The following SRGAP2C variants were observed in gnomAD, a reference collection of about 807,000 sequenced individuals.
SRGAP2C encodes SLIT-ROBO Rho GTPase-activating protein 2C.
In SRGAP2C, 15 loss-of-function variants were observed where a neutral mutation model predicts 25.1. The observed-to-expected ratio is 0.60, with a 90% CI of 0.40 to 0.92. The LOEUF (loss-of-function observed/expected upper bound fraction) is 0.92. Ranked by LOEUF, SRGAP2C falls within the 40% of genes least tolerant of loss-of-function variation. The pLI is 0.00. For synonymous variants in SRGAP2C, 44 were observed against 96.6 expected, an observed-to-expected ratio of 0.46 and a Z score of 3.19; for missense variants, 144 against 264.4, an observed-to-expected ratio of 0.54 and a Z score of 3.16.
intron 6 of SRGAP2C, 147 bp from the exon 7 acceptor site, chr1:121,374,679 A>C: frequency 1.7e-6 from 1 of 605,922 alleles, no homozygotes; most frequent in East Asian, 2.8e-5. Context: ...GAATCTCATT[A>C]AACAGAATTA....
At chr1:121,200,331 A>G (rs1654947153) in intron 2 of SRGAP2C, among the ~76,000 whole-genome samples, 1 of 103,878 alleles carries the variant, frequency 9.6e-6, no homozygotes, top group Non-Finnish European at 2.0e-5. Context: ...AGAAAAAGGA[A>G]GTTGATTGAT....
rs1240268157 is a variant in SRGAP2C at position 121,335,387 on chromosome 1, T to TAAAA, written c.423+10748_423+10751dup. On this transcript the variant is annotated intron_variant, in intron 4 of 9. Coordinates refer to ENST00000367123, the MANE Select transcript of SRGAP2C (RefSeq NM_001329984.2). ...ATAAATAAATAAATAAATAAATAAA[T>TAAAA]AAAACAACCAATTCTTTCTTTTGTT... Among the ~76,000 whole-genome samples the TAAAA allele has an allele frequency of 3.6e-4, 39 of 108,894 alleles. 1 individual carries two copies. The South Asian group carries it at 9.4e-3, about 26-fold the overall frequency. The allele number at this position is 108,894 out of a possible 152,430, so 71.4% of individuals were successfully genotyped here.
intron 4 of SRGAP2C, among the ~76,000 whole-genome samples, chr1:121,343,202 C>T (rs1240417637): frequency 2.6e-5 from 4 of 151,802 alleles, no homozygotes; most frequent in Non-Finnish European, 4.4e-5. Flanking sequence ...ATTGATATAT[C>T]AGCATTGGTC....
At chr1:121,285,451 A>T (rs1431961534) in intron 3 of SRGAP2C, among the ~76,000 whole-genome samples, 1 of 147,832 alleles carries the variant, frequency 6.8e-6, no homozygotes, top group Non-Finnish European at 1.5e-5. Context: ...CCTAGTAAAT[A>T]GTAGAGCTGG....
At chr1:121,381,909 C>CT (rs1344230331) in intron 7 of SRGAP2C, among the ~76,000 whole-genome samples, 5 of 142,420 alleles carry the variant, frequency 3.5e-5, no homozygotes, top group Middle Eastern at 3.4e-3. Context: ...AGGGGAGTGG[C>CT]TTTTCCAAGG....
At chr1:121,371,135 G>A (rs1659477114) in intron 5 of SRGAP2C, among the ~76,000 whole-genome samples, 1 of 146,374 alleles carries the variant, frequency 6.8e-6, no homozygotes, top group African/African-American at 2.5e-5. Context: ...TCTATATATA[G>A]ATAGAAGTAT....
At chr1:121,372,372 C>T (rs1189595119) in intron 5 of SRGAP2C, among the ~76,000 whole-genome samples, 1 of 151,560 alleles carries the variant, frequency 6.6e-6, no homozygotes, top group African/African-American at 2.4e-5. Flanking sequence ...AGCAGCATCC[C>T]TGACCTCTAA....
intron 4 of SRGAP2C, among the ~76,000 whole-genome samples, chr1:121,327,089 T>C (rs1658330654): frequency 6.7e-6 from 1 of 150,116 alleles, no homozygotes; most frequent in Non-Finnish European, 1.5e-5. Context: ...CATTCCCATG[T>C]AGGCAGAAAA....
intron 2 of SRGAP2C, among the ~76,000 whole-genome samples, chr1:121,280,074 T>C (rs1657206863): frequency 6.6e-6 from 1 of 150,842 alleles, no homozygotes. Flanking sequence ...AAGTGTACAA[T>C]TCAATTTTTT....
At chr1:121,221,717 A>AAG (rs1450156207) in intron 2 of SRGAP2C, among the ~76,000 whole-genome samples, 1 of 111,466 alleles carries the variant, frequency 9.0e-6, no homozygotes, top group African/African-American at 3.8e-5. Flanking sequence ...TCTCAAAAAA[A>AAG]AAAAAAAAAA....
At chr1:121,374,977 C>G (rs1558134625) in intron 7 of SRGAP2C, 23 bp downstream of exon 7, 2 of 771,706 alleles carry the variant, frequency 2.6e-6, no homozygotes, top group African/African-American at 3.4e-5. Flanking sequence ...AGCCAAGGGC[C>G]TGAGGGCCCC....
At chr1:121,323,458 A>G (rs1658251971) in intron 3 of SRGAP2C, among the ~76,000 whole-genome samples, 1 of 148,648 alleles carries the variant, frequency 6.7e-6, no homozygotes, top group African/African-American at 2.5e-5. Flanking sequence ...TCTACTAAAA[A>G]TACAAAAGTT....
chr1:121,341,232 A>T lies in SRGAP2C; in HGVS notation c.423+16592A>T, dbSNP rs1658643657. Among the ~76,000 whole-genome samples, 2 of 78,966 alleles carry T rather than the reference A, an allele frequency of 2.5e-5. 1 individual carries two copies. Among genetic ancestry groups the T allele is most frequent in the African/African-American group, 1.1e-4 (2 of 18,206 alleles). 51.8% of individuals were successfully genotyped at this position (78,966 alleles called of 152,430 possible). A position where few individuals can be genotyped will look rare whatever the true frequency, so the allele number is the denominator to read the frequency against. ...ACATGAGGTGGGAGGAGGTCATTCA[A>T]CTTAGTCATTCAGCAGTTCACTTAG... On this transcript the variant is annotated intron_variant, in intron 4 of 9. Coordinates refer to ENST00000367123, the MANE Select transcript of SRGAP2C (RefSeq NM_001329984.2).
chr1:121,308,566 A>C (rs1287118996), intron 3 of SRGAP2C, among the ~76,000 whole-genome samples: 1 of 150,976 alleles, frequency 6.6e-6, no homozygotes, highest in Non-Finnish European at 1.5e-5. Context: ...GCTTGAGCCC[A>C]GGAGTTTGAG....
rs1444332681 is a variant in SRGAP2C, at chr1:121,292,734, G to A, written c.260+7739G>A. On this transcript the variant is annotated intron_variant, in intron 3 of 9. Coordinates refer to ENST00000367123, the MANE Select transcript of SRGAP2C (RefSeq NM_001329984.2). ...AGGTATGGCCTTATTTTTTAAAGGT[G>A]CACTCTGGAAGTGGCACACACAGCT... Among the ~76,000 whole-genome samples the A allele has an allele frequency of 3.9e-5, 3 of 77,750 alleles. 1 individual carries two copies. The highest frequency in any genetic ancestry group is 2.5e-5 in the Non-Finnish European group (1 of 39,718). 51.0% of individuals were successfully genotyped at this position (77,750 alleles called of 152,430 possible). A position where few individuals can be genotyped will look rare whatever the true frequency, so the allele number is the denominator to read the frequency against.
intron 4 of SRGAP2C, among the ~76,000 whole-genome samples, chr1:121,329,516 A>G (rs1658389673): frequency 7.1e-6 from 1 of 140,884 alleles, no homozygotes; most frequent in Non-Finnish European, 1.5e-5. Context: ...GAAGTTGGGA[A>G]TGAAATAGGG....
At chr1:121,323,002 T>A (rs1658243123) in intron 3 of SRGAP2C, among the ~76,000 whole-genome samples, 1 of 151,496 alleles carries the variant, frequency 6.6e-6, no homozygotes, top group Non-Finnish European at 1.5e-5. Context: ...TAGGCTTGGT[T>A]TGAATTCTGG....
intron 2 of SRGAP2C, among the ~76,000 whole-genome samples, chr1:121,218,567 C>T (rs1232798748): frequency 7.2e-6 from 1 of 138,472 alleles, no homozygotes; most frequent in African/African-American, 2.9e-5. Flanking sequence ...TGGTGAAACC[C>T]CGTCTCTACT....
intron 2 of SRGAP2C, among the ~76,000 whole-genome samples, chr1:121,249,542 T>G (rs1415350811): frequency 8.6e-5 from 4 of 46,474 alleles, no homozygotes; most frequent in African/African-American, 3.5e-4. Context: ...ATGATGAACA[T>G]GGACTATATA....
Sources: allele counts gnomAD v4.1 joint callset (sites outside exome capture counted in the v4.1 genomes callset), GRCh38; gene constraint gnomAD v4.1.1; transcripts MANE v1.5; gene names NCBI Gene and HGNC (gene_info 2026-07-23, HGNC 2026-07-21).